The following HDAC9 variants were observed in gnomAD, a reference collection of about 807,000 sequenced individuals.
HDAC9 encodes the protein histone deacetylase 9, also known as MEF-2 interacting transcription repressor (MITR) protein.
In HDAC9, 41 loss-of-function variants were observed where a neutral mutation model predicts 139.4. That is an observed-to-expected ratio of 0.29 (90% CI 0.23 to 0.38). The LOEUF is 0.38. Ranked by LOEUF, HDAC9 falls within the 10% of genes least tolerant of loss-of-function variation. The pLI, the probability that HDAC9 is intolerant of heterozygous loss-of-function variation, is 1.00. For synonymous variants in HDAC9, 517 were observed against 476.2 expected (o/e 1.09, Z -1.12); for missense variants, 1,147 against 1,297.0 (o/e 0.88, Z 1.78).
chr7:18,285,928 C>T (rs573668362), upstream of HDAC9, among the ~76,000 whole-genome samples: 140 of 152,208 alleles, frequency 9.2e-4, no homozygotes, highest in African/African-American at 3.1e-3. Context: ...AAACATACTG[C>T]ATGATACTAT....
intron 2 of HDAC9, among the ~76,000 whole-genome samples, chr7:18,258,898 G>A (rs919079715): frequency 6.8e-6 from 1 of 146,824 alleles, no homozygotes; most frequent in Admixed American, 6.8e-5. Flanking sequence ...AAACTGAGGT[G>A]ACTCTTGCAG....
intron 2 of HDAC9, among the ~76,000 whole-genome samples, chr7:18,191,917 G>T (rs1007112117): frequency 2.6e-5 from 4 of 152,186 alleles, no homozygotes; most frequent in African/African-American, 7.2e-5. Flanking sequence ...TCTATGTCAA[G>T]ATTGTATTGC....
At chr7:18,308,464 A>G (rs1291377292) in intron 1 of HDAC9, among the ~76,000 whole-genome samples, 1 of 152,210 alleles carries the variant, frequency 6.6e-6, no homozygotes, top group African/African-American at 2.4e-5. Context: ...TAAATATACC[A>G]TACTCCCTTT....
At chr7:18,654,317 T>A (rs1429671030) in intron 11 of HDAC9, among the ~76,000 whole-genome samples, 2 of 152,124 alleles carry the variant, frequency 1.3e-5, no homozygotes, top group African/African-American at 4.8e-5. Context: ...TACCTCTTCC[T>A]CCCCTTGTTT....
rs139853905 is a variant in HDAC9, at chr7:18,448,515, T to A, written c.-41-47747T>A. ...CAAATTGAGTATTAATTATTAGATT[T>A]CTAACAGTTATTAAATTGCATAGGG... On this transcript the variant is annotated intron_variant, in intron 1 of 3. Transcript: ENST00000413509. Among the ~76,000 whole-genome samples the A allele has an allele frequency of 5.9e-5, 9 of 152,330 alleles. No individual in the cohort carries two copies. The East Asian group carries it at 1.7e-3, about 29-fold the overall frequency.
rs10655079 is a variant in HDAC9, at chr7:18,243,048, A to ATGGT, written c.25+80700_25+80701insGGTT. Among the ~76,000 whole-genome samples, 131 of 151,728 alleles carry ATGGT rather than the reference A, an allele frequency of 8.6e-4. 2 individuals are homozygous for ATGGT. The highest frequency in any genetic ancestry group is 3.0e-3 in the African/African-American group (123 of 41,364). ...AGGTTACTTATCAAAATATTAACTG[A>ATGGT]TTGAGAATGTTTAGAGTCTTGTTGA... On this transcript the variant is annotated intron_variant, in intron 2 of 12. Coordinates refer to the HDAC9 transcript ENST00000417496.
chr7:18,990,170 C>T (rs1785760455), intron 25 of HDAC9, among the ~76,000 whole-genome samples: 1 of 152,044 alleles, frequency 6.6e-6, no homozygotes, highest in African/African-American at 2.4e-5. Flanking sequence ...CTGTTTTTTC[C>T]CCATCTTTGT....
chr7:18,594,651 ATTGTAT>A (rs2128845456), intron 6 of HDAC9, among the ~76,000 whole-genome samples: 1 of 152,066 alleles, frequency 6.6e-6, no homozygotes, highest in South Asian at 2.1e-4. Context: ...GGCTCTAAGG[ATTGTAT>A]TTGCTGTTCC....
chr7:18,377,276 G>C (rs975386578), intron 1 of HDAC9, among the ~76,000 whole-genome samples: 1 of 151,992 alleles, frequency 6.6e-6, no homozygotes, highest in African/African-American at 2.4e-5. Context: ...TGGATGATTG[G>C]GTAGGACCCA....
intron 1 of HDAC9, among the ~76,000 whole-genome samples, chr7:18,092,412 T>A (rs1158575342): frequency 1.0e-3 from 122 of 117,494 alleles, no homozygotes; most frequent in South Asian, 4.2e-3. Flanking sequence ...TTTTTTTTTT[T>A]AAAAAAAAGA....
intron 22 of HDAC9, among the ~76,000 whole-genome samples, chr7:18,899,978 A>G (rs1360888500): frequency 6.6e-6 from 1 of 152,172 alleles, no homozygotes; most frequent in Non-Finnish European, 1.5e-5. Context: ...GAAAGATGAT[A>G]GATTTCTCTG....
At chr7:18,725,554 G>A (rs1328584156) in intron 12 of HDAC9, among the ~76,000 whole-genome samples, 1 of 152,144 alleles carries the variant, frequency 6.6e-6, no homozygotes, top group Non-Finnish European at 1.5e-5. Flanking sequence ...GAATAGGACT[G>A]GTTGGTATTA....
chr7:18,391,882 G>A (rs1315973000), intron 1 of HDAC9, among the ~76,000 whole-genome samples: 1 of 152,194 alleles, frequency 6.6e-6, no homozygotes, highest in Non-Finnish European at 1.5e-5. Flanking sequence ...CAGGCCTAGT[G>A]CTCACAGCAG....
chr7:18,645,383 T>C (rs1323286464), intron 9 of HDAC9, among the ~76,000 whole-genome samples: 2 of 152,190 alleles, frequency 1.3e-5, no homozygotes, highest in Non-Finnish European at 2.9e-5. Context: ...AGTGAATCAA[T>C]TAGTTTAAAA....
intron 2 of HDAC9, among the ~76,000 whole-genome samples, chr7:18,520,952 T>A (rs1272774184): frequency 6.6e-6 from 1 of 152,148 alleles, no homozygotes; most frequent in Non-Finnish European, 1.5e-5. Context: ...TAGAACATTC[T>A]CCTAATAAAG....
chr7:18,862,950 C>T (rs1798224735), intron 21 of HDAC9, among the ~76,000 whole-genome samples: 2 of 152,116 alleles, frequency 1.3e-5, no homozygotes, highest in African/African-American at 2.4e-5. Flanking sequence ...TCCTTTTCTC[C>T]TCATTACAGT....
chr7:18,257,399 TCCCACA>T (rs1562801885), intron 2 of HDAC9, among the ~76,000 whole-genome samples: 4 of 118,616 alleles, frequency 3.4e-5, no homozygotes, highest in East Asian at 2.6e-4. Context: ...TCTCTGTCTC[TCCCACA>T]CACACACACA....
intron 1 of HDAC9, among the ~76,000 whole-genome samples, chr7:18,379,438 A>G (rs1456640830): frequency 6.6e-6 from 1 of 152,168 alleles, no homozygotes; most frequent in Non-Finnish European, 1.5e-5. Context: ...AGGGAAATCA[A>G]TACTAGTTTT....
rs1034598486 is a variant in HDAC9 at position 18,996,536 on chromosome 7, A to C, written c.*474A>C. On this transcript the variant is annotated 3_prime_UTR_variant, in exon 26 of 26. Transcript: ENST00000686413. ...TTGTTTACAAGATTTGCTTTTAGCTATGAACGGATCGTAATTCCACCCAGA... is the reference window on the plus strand; with the variant it reads ...TTGTTTACAAGATTTGCTTTTAGCTCTGAACGGATCGTAATTCCACCCAGA... 1 of 153,662 alleles carries C rather than the reference A, an allele frequency of 6.5e-6. No individual in the cohort carries two copies. The highest frequency in any genetic ancestry group is 1.9e-4 in the East Asian group (1 of 5,212). 9.5% of individuals were successfully genotyped at this position (153,662 alleles called of 1,614,324 possible).
Sources: gnomAD v4.1 joint callset for allele counts (sites outside exome capture counted in the v4.1 genomes callset) on GRCh38, gnomAD v4.1.1 for gene constraint, MANE v1.5 for transcripts, NCBI Gene and HGNC (gene_info 2026-07-23, HGNC 2026-07-21) for gene names.